TSHZ2: variants seen among roughly 807,000 people sequenced by gnomAD.
The protein encoded by TSHZ2 is teashirt homolog 2.
TSHZ2 carries 21 observed loss-of-function variants against 74.4 expected under a neutral mutation model. The ratio of observed to expected loss-of-function variants is 0.28; its 90% confidence interval spans 0.20 to 0.41. The LOEUF is 0.41. Ranked by LOEUF, TSHZ2 falls within the 10% of genes least tolerant of loss-of-function variation. The pLI is 1.00. For missense variants in TSHZ2, 1,244 were observed against 1,293.5 expected (o/e 0.96, Z 0.59); for synonymous variants, 540 against 515.3 (o/e 1.05, Z -0.65).
intron 1 of TSHZ2, chr20:53,198,036 C>G (rs1296062980): frequency 1.3e-5 from 2 of 152,052 alleles, no homozygotes; most frequent in African/African-American, 4.8e-5. Flanking sequence ...CAATTCGTTC[C>G]CTTGAATATG....
intron 2 of TSHZ2, among the ~76,000 whole-genome samples, chr20:53,435,687 G>C (rs1984028573): frequency 6.6e-6 from 1 of 152,102 alleles, no homozygotes; most frequent in African/African-American, 2.4e-5. Context: ...CTAATTTTTT[G>C]TATTTTTAGT....
At chr20:53,045,138 A>G (rs1240874622) in intron 1 of TSHZ2, among the ~76,000 whole-genome samples, 2 of 152,220 alleles carry the variant, frequency 1.3e-5, no homozygotes, top group East Asian at 1.9e-4. Context: ...CAGTGGGTCA[A>G]CTGAGGGCTT....
intron 2 of TSHZ2, among the ~76,000 whole-genome samples, chr20:53,278,953 T>C (rs1244457301): frequency 6.6e-6 from 1 of 152,230 alleles, no homozygotes; most frequent in Non-Finnish European, 1.5e-5. Context: ...CCAGAAGCCT[T>C]ACCAACAACA....
chr20:53,265,336 C>T (rs1392719002), intron 2 of TSHZ2, among the ~76,000 whole-genome samples: 1 of 152,062 alleles, frequency 6.6e-6, no homozygotes, highest in East Asian at 1.9e-4. Flanking sequence ...AAGGCTGAGA[C>T]AAGGGAGAGA....
intron 1 of TSHZ2, among the ~76,000 whole-genome samples, chr20:53,150,711 G>C (rs1224085384): frequency 1.3e-5 from 2 of 151,744 alleles, no homozygotes; most frequent in Non-Finnish European, 2.9e-5. Flanking sequence ...AGGAAGGAAG[G>C]AAAGGAGGAA....
intron 2 of TSHZ2, among the ~76,000 whole-genome samples, chr20:53,287,020 A>G (rs1221582240): frequency 6.6e-6 from 1 of 152,146 alleles, no homozygotes; most frequent in Non-Finnish European, 1.5e-5. Flanking sequence ...GGGACAAGGA[A>G]GTGAAGCGAA....
At chr20:53,043,722 A>G (rs1600662516) in intron 1 of TSHZ2, among the ~76,000 whole-genome samples, 1 of 152,118 alleles carries the variant, frequency 6.6e-6, no homozygotes, top group Admixed American at 6.5e-5. Context: ...GGATTTGTAT[A>G]TATTTATCTT....
At chr20:53,156,384 C>T (rs1181385763) in intron 1 of TSHZ2, among the ~76,000 whole-genome samples, 2 of 152,160 alleles carry the variant, frequency 1.3e-5, no homozygotes, top group Admixed American at 1.3e-4. Context: ...ATCTTATTGG[C>T]TTGGGTCACA....
At chr20:53,456,667 C>G (rs1453073745) in intron 2 of TSHZ2, among the ~76,000 whole-genome samples, 2 of 128,614 alleles carry the variant, frequency 1.6e-5, no homozygotes, top group African/African-American at 6.3e-5. Context: ...CCTAGGTTTT[C>G]TTCTAGGGTT....
At chr20:53,296,704 G>A (rs576484958) in intron 2 of TSHZ2, among the ~76,000 whole-genome samples, 7 of 152,322 alleles carry the variant, frequency 4.6e-5, no homozygotes, top group African/African-American at 1.7e-4. Flanking sequence ...CAAGGCTAAG[G>A]TTAGGGTGAT....
intron 1 of TSHZ2, among the ~76,000 whole-genome samples, chr20:53,039,036 A>G (rs1381162295): frequency 6.6e-6 from 1 of 152,044 alleles, no homozygotes; most frequent in Non-Finnish European, 1.5e-5. Flanking sequence ...AGCTGGGATT[A>G]CAGTCATGCC....
At chr20:53,223,054 C>T (rs1315350569) in intron 1 of TSHZ2, among the ~76,000 whole-genome samples, 1 of 152,090 alleles carries the variant, frequency 6.6e-6, no homozygotes, top group Non-Finnish European at 1.5e-5. Flanking sequence ...TCAGTATCTA[C>T]AGGAGGCTGG....
At chr20:53,192,777 C>T (rs1330772450) in intron 1 of TSHZ2, among the ~76,000 whole-genome samples, 1 of 152,164 alleles carries the variant, frequency 6.6e-6, no homozygotes, top group East Asian at 1.9e-4. Context: ...GGTCTTTCTC[C>T]TACAACTTGA....
chr20:53,099,197 AG>A (rs1444838745), intron 1 of TSHZ2, among the ~76,000 whole-genome samples: 1 of 152,218 alleles, frequency 6.6e-6, no homozygotes, highest in African/African-American at 2.4e-5. Flanking sequence ...CCTTTGAGCG[AG>A]GGTCAGGTGT....
At chr20:53,047,188 T>C (rs999168097) in intron 1 of TSHZ2, among the ~76,000 whole-genome samples, 26 of 152,358 alleles carry the variant, frequency 1.7e-4, no homozygotes, top group African/African-American at 6.3e-4. Context: ...TTGGCTTCTG[T>C]AAAACAGACT....
intron 1 of TSHZ2, among the ~76,000 whole-genome samples, chr20:53,219,720 T>C (rs1989512714): frequency 6.6e-6 from 1 of 152,228 alleles, no homozygotes; most frequent in Non-Finnish European, 1.5e-5. Context: ...CAGCCAATTA[T>C]ATACATGGAA....
chr20:53,147,451 T>C (rs954527719), intron 1 of TSHZ2, among the ~76,000 whole-genome samples: 1 of 152,242 alleles, frequency 6.6e-6, no homozygotes, highest in Non-Finnish European at 1.5e-5. Context: ...TCCTACCTTC[T>C]TCAATCCAGT....
chr20:53,029,057 G>A (rs1600654231), intron 1 of TSHZ2, among the ~76,000 whole-genome samples: 1 of 152,144 alleles, frequency 6.6e-6, no homozygotes, highest in East Asian at 1.9e-4. Context: ...GAATTATCAA[G>A]CATACTAATA....
intron 1 of TSHZ2, among the ~76,000 whole-genome samples, chr20:53,197,563 C>T (rs1169274228): frequency 6.6e-6 from 1 of 152,186 alleles, no homozygotes; most frequent in African/African-American, 2.4e-5. Flanking sequence ...GGAAATGGCC[C>T]TAATTTTCCC....
Sources: gnomAD v4.1 joint callset for allele counts (sites outside exome capture counted in the v4.1 genomes callset) on GRCh38, gnomAD v4.1.1 for gene constraint, MANE v1.5 for transcripts, NCBI Gene and HGNC (gene_info 2026-07-23, HGNC 2026-07-21) for gene names.